The following SMC5 variants were observed in gnomAD, a reference collection of about 807,000 sequenced individuals.
SMC5 encodes structural maintenance of chromosomes protein 5.
In SMC5, 88 loss-of-function variants were observed where a neutral mutation model predicts 148.3. That is an observed-to-expected ratio of 0.59 (90% CI 0.50 to 0.71). The LOEUF (loss-of-function observed/expected upper bound fraction) is 0.71. Among genes scored for constraint, SMC5 ranks in the 30% least tolerant of loss-of-function variants. SMC5 has a pLI of 0.00. For synonymous variants in SMC5, 421 were observed against 432.8 expected, an observed-to-expected ratio of 0.97 and a Z score of 0.34; for missense variants, 1,142 against 1,298.9, an observed-to-expected ratio of 0.88 and a Z score of 1.86.
intron 19 of SMC5, 64 bp from the exon 20 acceptor site, chr9:70,346,996 ATTTTTC>A (rs2036681710): frequency 2.7e-6 from 3 of 1,126,024 alleles, no homozygotes; most frequent in Non-Finnish European, 2.6e-6. Context: ...TCAGCAGATT[ATTTTTC>A]TTTTAACTAT....
chr9:70,330,540 G>A lies in SMC5; in HGVS notation c.2397+6397G>A, dbSNP rs1587702152. Among the ~76,000 whole-genome samples, 4 of 145,124 alleles carry A rather than the reference G, an allele frequency of 2.8e-5. No individual in the cohort carries two copies. In the South Asian group the frequency reaches 6.8e-4, roughly 25 times the overall value. On this transcript the variant is annotated intron_variant, in intron 17 of 24. Coordinates refer to ENST00000361138, the MANE Select transcript of SMC5 (RefSeq NM_015110.4). ...TAGAAATACAGTGTAAGCTCTACAT[G>A]TAACTTTCTTTTTTTTTTTTTTTTT...
chr9:70,344,001 A>G, intron 17 of SMC5, 143 bp from the exon 18 acceptor site: 2 of 477,596 alleles, frequency 4.2e-6, no homozygotes, highest in Non-Finnish European at 3.5e-6. Flanking sequence ...TAATAAAAAG[A>G]GTCATTATTT....
In SMC5 at chr9:70,350,177, G is replaced by T. The variant is rs1306009707; in HGVS notation, c.2953G>T (p.Glu985Ter). The T allele has an allele frequency of 6.2e-7, 1 of 1,613,340 alleles. No individual in the cohort carries two copies. Residue 985 changes from glutamate to a stop codon, truncating the protein, a stop_gained, in exon 23 of 25, where the codon GAA becomes TAA. Transcript: ENST00000361138. LOFTEE classifies it high-confidence loss of function. ...VKFRSSTQLH[E>*]LTPHHQSGGE... is the part of the protein sequence containing the mutation. Reference sequence around the variant, plus strand: ...ATTTCGAAGTAGTACTCAACTGCATGAATTAACTCCTCATCATCAAAGTGG... The same window carrying T: ...ATTTCGAAGTAGTACTCAACTGCATTAATTAACTCCTCATCATCAAAGTGG...
chr9:70,340,396 G>C (rs566688722), intron 17 of SMC5, among the ~76,000 whole-genome samples: 4 of 151,916 alleles, frequency 2.6e-5, no homozygotes, highest in South Asian at 2.1e-4. Flanking sequence ...AGAATTTATG[G>C]TCTTGTGTAT....
chr9:70,306,953 T>C (rs1006431653), intron 11 of SMC5, among the ~76,000 whole-genome samples: 19 of 152,232 alleles, frequency 1.2e-4, no homozygotes, highest in African/African-American at 4.6e-4. Context: ...TTTTTGCCAT[T>C]TCTACATACT....
At chr9:70,296,857 T>A (rs1439381006) in intron 8 of SMC5, among the ~76,000 whole-genome samples, 3 of 152,212 alleles carry the variant, frequency 2.0e-5, no homozygotes, top group Non-Finnish European at 2.9e-5. Context: ...TGATAAAAAT[T>A]TCACTGACAT....
At chr9:70,326,985 T>A (rs1458815591) in intron 17 of SMC5, among the ~76,000 whole-genome samples, 1 of 152,152 alleles carries the variant, frequency 6.6e-6, no homozygotes, top group East Asian at 1.9e-4. Flanking sequence ...TTACAGTTTT[T>A]CAGCATAAGA....
intron 18 of SMC5, among the ~76,000 whole-genome samples, chr9:70,346,215 AAGTC>A (rs2036663419): frequency 6.6e-6 from 1 of 152,190 alleles, no homozygotes; most frequent in African/African-American, 2.4e-5. Context: ...ACATCTCAGT[AAGTC>A]AGAGATTCAA....
Position 70,278,549 on chromosome 9 carries a change from A to G in SMC5, c.602A>G (p.Lys201Arg), listed in dbSNP as rs756153062. ...SKIELLEATE[K>R]SIGPPEMHKY... ...ATTGAACTCCTCGAAGCCACTGAAA[A>G]GTCAATTGGTCCCCCAGAAATGCAC... is the stretch of plus-strand genomic sequence containing the variant. Residue 201 changes from lysine to arginine, a missense_variant, in exon 5 of 25, where the codon AAG becomes AGG. By Grantham distance (26) the Lys-to-Arg change is conservative (BLOSUM62 2). Around this residue, in one of 5 missense-constraint regions of SMC5, gnomAD observed 297 missense variants for 302.6 expected, o/e 0.98. Transcript: ENST00000361138. 3.1e-6 allele frequency: 5 copies of G among 1,612,406 alleles called. No homozygotes were observed. The highest frequency in any genetic ancestry group is 4.2e-6 in the Non-Finnish European group (5 of 1,179,430).
chr9:70,260,430 A>G (rs918811938), intron 1 of SMC5, among the ~76,000 whole-genome samples: 4 of 151,452 alleles, frequency 2.6e-5, no homozygotes, highest in African/African-American at 7.3e-5. Flanking sequence ...AAGCTTGCAC[A>G]TAGTGGCATA....
intron 22 of SMC5, among the ~76,000 whole-genome samples, chr9:70,349,095 G>C (rs1004579623): frequency 1.1e-4 from 16 of 152,208 alleles, no homozygotes; most frequent in Non-Finnish European, 2.1e-4. Flanking sequence ...TTGAGACAAA[G>C]TCTCACTCTC....
intron 24 of SMC5, 23 bp downstream of exon 24, chr9:70,350,494 G>C (rs753900376): frequency 6.6e-7 from 1 of 1,511,556 alleles, no homozygotes; most frequent in Non-Finnish European, 9.0e-7. Context: ...TAACCTAAAA[G>C]TGGTCATATA....
At chr9:70,312,449 TG>T (rs1341509075) in intron 11 of SMC5, among the ~76,000 whole-genome samples, 1 of 152,144 alleles carries the variant, frequency 6.6e-6, no homozygotes, top group Non-Finnish European at 1.5e-5. Flanking sequence ...GAATGAGATT[TG>T]GGTGGGAACA....
intron 20 of SMC5, among the ~76,000 whole-genome samples, chr9:70,347,366 A>G (rs762602232): frequency 4.6e-5 from 7 of 152,224 alleles, no homozygotes; most frequent in Non-Finnish European, 1.0e-4. Flanking sequence ...ATTCTTCCTA[A>G]GGAACACAAT....
chr9:70,323,418 C>A (rs2035997185), intron 15 of SMC5, 65 bp from the exon 16 acceptor site: 1 of 1,469,288 alleles, frequency 6.8e-7, no homozygotes, highest in South Asian at 1.4e-5. Context: ...TGGGGGGGAC[C>A]TAAGAATTTG....
At chr9:70,267,893 A>C in intron 2 of SMC5, 30 bp from the exon 3 acceptor site, 1 of 1,591,086 alleles carries the variant, frequency 6.3e-7, no homozygotes, top group Non-Finnish European at 8.6e-7. Context: ...ATGTCACTAC[A>C]CAGCTCACTT....
intron 3 of SMC5, among the ~76,000 whole-genome samples, chr9:70,276,809 A>G (rs1021680290): frequency 1.3e-5 from 2 of 152,144 alleles, no homozygotes; most frequent in African/African-American, 4.8e-5. Flanking sequence ...CTGAATTTAG[A>G]GTGGAGTACA....
intron 11 of SMC5, among the ~76,000 whole-genome samples, chr9:70,310,392 A>G (rs1309107723): frequency 1.3e-5 from 2 of 152,184 alleles, no homozygotes; most frequent in African/African-American, 2.4e-5. Flanking sequence ...AGTGAGCAGT[A>G]ATATTTGGAC....
intron 20 of SMC5, 59 bp downstream of exon 20, chr9:70,347,220 C>T: frequency 1.6e-6 from 2 of 1,288,692 alleles, no homozygotes; most frequent in East Asian, 2.3e-5. Context: ...CCTCCCCATA[C>T]ACACACATAC....
Sources: gnomAD v4.1 joint callset for allele counts (sites outside exome capture counted in the v4.1 genomes callset) on GRCh38, gnomAD v4.1.1 for gene constraint, gnomAD v4.1.1 regional missense constraint, MANE v1.5 for transcripts, NCBI Gene and HGNC (gene_info 2026-07-23, HGNC 2026-07-21) for gene names.